Variants in MAML3 observed in about 807,000 individuals in gnomAD.
MAML3 encodes mastermind-like protein 3.
In MAML3, 27 loss-of-function variants were observed where a neutral mutation model predicts 101.9. The ratio of observed to expected loss-of-function variants is 0.27; its 90% confidence interval spans 0.20 to 0.37. The LOEUF (loss-of-function observed/expected upper bound fraction) is 0.37, where lower values mean the gene tolerates loss of function less well. Ranked by LOEUF, MAML3 falls within the 10% of genes least tolerant of loss-of-function variation. The pLI, the probability that MAML3 is intolerant of heterozygous loss-of-function variation, is 1.00. For missense variants in MAML3, 1,316 were observed against 1,444.9 expected (o/e 0.91, Z 1.45); for synonymous variants, 501 against 555.9 (o/e 0.90, Z 1.39).
At chr4:139,804,818 T>C (rs1730675916) in intron 2 of MAML3, among the ~76,000 whole-genome samples, 1 of 152,152 alleles carries the variant, frequency 6.6e-6, no homozygotes, top group African/African-American at 2.4e-5. Context: ...AGGTCTGAAG[T>C]GTGGCTTTAG....
intron 1 of MAML3, among the ~76,000 whole-genome samples, chr4:139,907,818 T>C (rs1210116563): frequency 1.3e-5 from 2 of 152,236 alleles, no homozygotes; most frequent in African/African-American, 2.4e-5. Context: ...GGCTAACTTA[T>C]ACAACTGTGC....
At chr4:139,917,693 C>T (rs2111230753) in intron 1 of MAML3, among the ~76,000 whole-genome samples, 1 of 152,260 alleles carries the variant, frequency 6.6e-6, no homozygotes, top group African/African-American at 2.4e-5. Context: ...TAGAGAGATT[C>T]AAAATAGAAA....
intron 2 of MAML3, among the ~76,000 whole-genome samples, chr4:139,864,674 CAAAAAAAAAAAAAAA>C (rs70943450): frequency 6.5e-4 from 45 of 69,502 alleles, no homozygotes; most frequent in African/African-American, 3.0e-3. Context: ...GGCTCCGTCT[CAAAAAAAAAAAAAAA>C]AAAAAAAAAA....
intron 1 of MAML3, among the ~76,000 whole-genome samples, chr4:140,089,211 A>G (rs2110978982): frequency 6.6e-6 from 1 of 152,370 alleles, no homozygotes; most frequent in East Asian, 1.9e-4. Flanking sequence ...TAATCCATAT[A>G]CTTTCTAAAG....
Position 139,785,082 on chromosome 4 carries a change from C to T in MAML3, c.2080-54415G>A, listed in dbSNP as rs1399868795. ...AACAAAATTACACTTGTACCCCTTA[C>T]ATTTGTACAAAAGAAGAAGGCGGCT... On this transcript the variant is annotated intron_variant, in intron 2 of 4. Transcript: ENST00000509479. The surrounding 1 kb of genome is among the most constrained non-coding windows in gnomAD (Gnocchi z 4.3). 6.6e-6 allele frequency among the ~76,000 whole-genome samples: 1 copy of T among 152,202 alleles called. No individual in the cohort carries two copies. The highest frequency in any genetic ancestry group is 1.5e-5 in the Non-Finnish European group (1 of 68,024).
intron 1 of MAML3, among the ~76,000 whole-genome samples, chr4:139,894,716 G>C (rs1005517607): frequency 1.1e-5 from 1 of 90,056 alleles, no homozygotes; most frequent in Non-Finnish European, 3.5e-5. Context: ...GAACATGTTA[G>C]AATTTGACGG....
intron 1 of MAML3, among the ~76,000 whole-genome samples, chr4:139,968,403 A>C (rs1734178380): frequency 6.6e-6 from 1 of 152,142 alleles, no homozygotes. Flanking sequence ...AAGTTAAACA[A>C]CACTAGGGAC....
At chr4:139,790,229 A>AT (rs1730381765) in intron 2 of MAML3, among the ~76,000 whole-genome samples, 1 of 143,772 alleles carries the variant, frequency 7.0e-6, no homozygotes, top group African/African-American at 2.6e-5. Flanking sequence ...ATATATATAT[A>AT]TATATATATA....
chr4:139,851,654 C>A (rs562702772), intron 2 of MAML3, among the ~76,000 whole-genome samples: 2 of 152,348 alleles, frequency 1.3e-5, no homozygotes, highest in East Asian at 3.9e-4. Flanking sequence ...GGCATTGGCT[C>A]AGGCCTTTAA....
At chr4:140,144,208 T>C (rs1227689258) in intron 1 of MAML3, among the ~76,000 whole-genome samples, 1 of 152,084 alleles carries the variant, frequency 6.6e-6, no homozygotes, top group African/African-American at 2.4e-5. Flanking sequence ...CTCCCTACAT[T>C]GCCAAATGTT....
intron 4 of MAML3, among the ~76,000 whole-genome samples, chr4:139,723,501 G>A (rs1258745630): frequency 5.9e-5 from 9 of 152,026 alleles, no homozygotes; most frequent in African/African-American, 1.7e-4. Flanking sequence ...TAGTAGAGAC[G>A]GGGTTTCTCC....
At chr4:139,990,305 G>A (rs1359303684) in intron 1 of MAML3, among the ~76,000 whole-genome samples, 2 of 152,142 alleles carry the variant, frequency 1.3e-5, no homozygotes, top group Non-Finnish European at 2.9e-5. Context: ...AAAACCACAT[G>A]ATTATCTCAA....
intron 2 of MAML3, among the ~76,000 whole-genome samples, chr4:139,788,735 G>A (rs928809435): frequency 1.3e-5 from 2 of 152,220 alleles, no homozygotes; most frequent in African/African-American, 4.8e-5. Context: ...CGTCAAAGAG[G>A]ACATGCCTCC....
chr4:140,066,899 G>C (rs1727545472), intron 1 of MAML3, among the ~76,000 whole-genome samples: 2 of 152,148 alleles, frequency 1.3e-5, no homozygotes, highest in South Asian at 2.1e-4. Flanking sequence ...AAATCTTTTA[G>C]TGCCAATTTT....
intron 1 of MAML3, among the ~76,000 whole-genome samples, chr4:140,071,787 G>GAGAGAGAGAGAGAGAGAGAGA (rs1265006286): frequency 6.6e-6 from 1 of 151,264 alleles, no homozygotes; most frequent in African/African-American, 2.4e-5. Context: ...GAGAGAGAGA[G>GAGAGAGAGAGAGAGAGAGAGA]AAGGCACGCA....
chr4:139,992,602 T>A (rs1734701847), intron 1 of MAML3, among the ~76,000 whole-genome samples: 1 of 152,220 alleles, frequency 6.6e-6, no homozygotes, highest in South Asian at 2.1e-4. Flanking sequence ...CTCAGCTCAC[T>A]GCAACCTCTG....
chr4:139,978,719 G>C (rs1240826342), intron 1 of MAML3, among the ~76,000 whole-genome samples: 2 of 151,774 alleles, frequency 1.3e-5, no homozygotes, highest in African/African-American at 4.8e-5. Flanking sequence ...AAGAGACTTG[G>C]GTCTCTTTGT....
intron 2 of MAML3, among the ~76,000 whole-genome samples, chr4:139,788,098 A>G (rs1259956227): frequency 6.6e-6 from 1 of 152,234 alleles, no homozygotes; most frequent in Non-Finnish European, 1.5e-5. Flanking sequence ...ACCAGAGTCC[A>G]ATTCAACCTC....
chr4:139,719,798 G>C lies in MAML3; in HGVS notation c.2942C>G (p.Pro981Arg). 1 of 1,613,558 alleles carries C rather than the reference G, an allele frequency of 6.2e-7. No homozygotes were observed. Among genetic ancestry groups the C allele is most frequent in the Non-Finnish European group, 8.5e-7 (1 of 1,179,900 alleles). Residue 981 changes from proline to arginine, a missense_variant, in exon 5 of 5, where the codon CCA (proline) becomes CGA (arginine). Coordinates refer to ENST00000509479, the MANE Select transcript of MAML3 (RefSeq NM_018717.5). ...MPGRTSGELG[P>R]FNNGASYPLQ... ...AGGGTAGCTGGCGCCATTGTTGAAT[G>C]GTCCCAATTCTCCACTAGTCCTCCC...
Sources: gnomAD v4.1 joint callset for allele counts (sites outside exome capture counted in the v4.1 genomes callset) on GRCh38, gnomAD v4.1.1 for gene constraint, Gnocchi (gnomAD v3.1) non-coding constraint, MANE v1.5 for transcripts, NCBI Gene and HGNC (gene_info 2026-07-23, HGNC 2026-07-21) for gene names.